PTCHD4: variants seen among roughly 807,000 people sequenced by gnomAD.
PTCHD4 encodes patched domain-containing protein 4.
PTCHD4 carries 33 observed loss-of-function variants against 58.1 expected under a neutral mutation model. The ratio of observed to expected loss-of-function variants is 0.57; its 90% CI spans 0.43 to 0.76. The LOEUF (loss-of-function observed/expected upper bound fraction) is 0.76. Among genes scored for constraint, PTCHD4 ranks in the 30% least tolerant of loss-of-function variants. The probability of loss-of-function intolerance (pLI) is 0.00; values close to 1 mark genes in which losing one functional copy is unlikely to be tolerated. For synonymous variants in PTCHD4, 478 were observed against 409.6 expected (o/e 1.17, Z -2.02); for missense variants, 1,058 against 1,027.1 (o/e 1.03, Z -0.41).
At chr6:48,061,229 G>A (rs1289910863) in intron 3 of PTCHD4, among the ~76,000 whole-genome samples, 1 of 152,094 alleles carries the variant, frequency 6.6e-6, no homozygotes, top group African/African-American at 2.4e-5. Flanking sequence ...TTAAAGAGAT[G>A]GTTGGATTTA....
chr6:47,980,987 T>C (rs2114009516), intron 4 of PTCHD4, among the ~76,000 whole-genome samples: 1 of 152,260 alleles, frequency 6.6e-6, no homozygotes, highest in Non-Finnish European at 1.5e-5. Context: ...ATTCTTCTTT[T>C]TATGACTGCA....
chr6:48,007,936 G>GCGCGCGCA (rs935818683), intron 4 of PTCHD4, among the ~76,000 whole-genome samples: 9 of 150,244 alleles, frequency 6.0e-5, no homozygotes, highest in African/African-American at 2.2e-4. Context: ...GTGCGCGCGC[G>GCGCGCGCA]CACACACACA....
rs964173815 is a variant in PTCHD4 at position 47,945,989 on chromosome 6, T to G, written c.898+62645A>C. Among the ~76,000 whole-genome samples, 10 of 151,914 alleles carry G rather than the reference T, an allele frequency of 6.6e-5. No individual in the cohort carries two copies. In the East Asian group the frequency reaches 1.5e-3, roughly 23 times the overall value. On this transcript the variant is annotated intron_variant, in intron 4 of 4. Transcript: ENST00000339488. ...TTATAAATTTTTCTTTAACCCACAA[T>G]TATTTAGAAGTATACTTTTAATTAC...
intron 3 of PTCHD4, among the ~76,000 whole-genome samples, chr6:48,032,169 T>TG (rs929584267): frequency 1.3e-5 from 2 of 151,276 alleles, no homozygotes; most frequent in Non-Finnish European, 2.9e-5. Flanking sequence ...AAAGTGTGTA[T>TG]GAAAAAAAAA....
chr6:48,062,511 A>G (rs1395958433), intron 3 of PTCHD4, among the ~76,000 whole-genome samples: 1 of 152,146 alleles, frequency 6.6e-6, no homozygotes, highest in African/African-American at 2.4e-5. Flanking sequence ...AAATAAAAGG[A>G]AGCTTAAAAA....
At chr6:48,018,574 T>C (rs1005005398) in intron 3 of PTCHD4, among the ~76,000 whole-genome samples, 17 of 152,214 alleles carry the variant, frequency 1.1e-4, no homozygotes, top group African/African-American at 4.1e-4. Context: ...ATAAGGAATT[T>C]GCCCTAATTT....
intron 4 of PTCHD4, among the ~76,000 whole-genome samples, chr6:47,926,061 A>G (rs543996714): frequency 6.6e-6 from 1 of 152,294 alleles, no homozygotes; most frequent in South Asian, 2.1e-4. Flanking sequence ...AAGGTGTTGT[A>G]GCTCAACTTA....
intron 3 of PTCHD4, among the ~76,000 whole-genome samples, chr6:48,030,269 AG>A (rs909787504): frequency 6.6e-6 from 1 of 152,124 alleles, no homozygotes; most frequent in Non-Finnish European, 1.5e-5. Flanking sequence ...GATAGAAACA[AG>A]GGTGACTGTA....
Position 48,009,051 on chromosome 6 carries a change from C to G in PTCHD4, c.481G>C (p.Asp161His), listed in dbSNP as rs765986115. ...GCTCTGGCTGACTTGACCCGCTGAT[C>G]TTTGCTGTTTGGCACTTCCACTACC... The part of the protein sequence containing the change: ...GGVVEVPNSK[D>H]QRVKSARAIQ... The change falls in exon 4 of 5, where the codon GAT becomes CAT. Residue 161 changes from aspartate (D) to histidine (H), a missense_variant. Coordinates refer to ENST00000339488, the MANE Select transcript of PTCHD4 (RefSeq NM_001384253.1). 17 of 1,613,768 alleles carry G rather than the reference C, an allele frequency of 1.1e-5. No individual in the cohort carries two copies. In the African/African-American group the frequency reaches 2.1e-4, roughly 20 times the overall value.
At chr6:48,038,546 A>G (rs930807604) in intron 3 of PTCHD4, among the ~76,000 whole-genome samples, 7 of 152,034 alleles carry the variant, frequency 4.6e-5, no homozygotes, top group African/African-American at 1.7e-4. Flanking sequence ...AGGCTGAGGC[A>G]TAAGAATCGC....
chr6:47,979,778 G>T (rs1767813253), intron 4 of PTCHD4, among the ~76,000 whole-genome samples: 1 of 151,996 alleles, frequency 6.6e-6, no homozygotes, highest in Non-Finnish European at 1.5e-5. Context: ...TTGGAGAGGA[G>T]AATACTATCC....
At chr6:48,051,408 T>C (rs1764229971) in intron 3 of PTCHD4, among the ~76,000 whole-genome samples, 2 of 151,980 alleles carry the variant, frequency 1.3e-5, no homozygotes, top group Admixed American at 1.3e-4. Flanking sequence ...AAAGAAGTCA[T>C]ATATACTCTT....
chr6:47,878,146 C>A lies in PTCHD4; in HGVS notation c.*157G>T, dbSNP rs1320643380. ...CTCTTTTTTTATTCCCTCTTCCCCC[C>A]AAGAAGCAGGCACCTTGAAGTGTCA... On this transcript the variant is annotated 3_prime_UTR_variant, in exon 5 of 5. Transcript: ENST00000339488. 10 of 579,930 alleles carry A rather than the reference C, an allele frequency of 1.7e-5. No homozygotes were observed. Among genetic ancestry groups the A allele is most frequent in the East Asian group, 8.5e-5 (3 of 35,338 alleles). The allele number at this position is 579,930 out of a possible 1,614,324, so 35.9% of individuals were successfully genotyped here.
chr6:48,105,645 A>T (rs1765702196), intron 1 of PTCHD4, among the ~76,000 whole-genome samples: 1 of 152,208 alleles, frequency 6.6e-6, no homozygotes, highest in Non-Finnish European at 1.5e-5. Flanking sequence ...CCTTCAAAAA[A>T]TCAATGAATC....
chr6:48,077,552 A>G (rs1458210996), intron 1 of PTCHD4, among the ~76,000 whole-genome samples: 2 of 152,190 alleles, frequency 1.3e-5, no homozygotes, highest in Non-Finnish European at 2.9e-5. Flanking sequence ...TTTTTATCTG[A>G]AGCATCTTTA....
At position 47,865,589 on chromosome 6, in the gene PTCHD4, T is replaced by G. The variant is rs1184281418; in HGVS notation, c.*12714A>C. ...AAAGTTCTTGGGTGTTCAGGCCATC[T>G]TACAGATATAAGTTTTGTGAATTGT... On this transcript the variant is annotated 3_prime_UTR_variant, in exon 5 of 5. Coordinates refer to ENST00000339488, the MANE Select transcript of PTCHD4 (RefSeq NM_001384253.1). 6.6e-6 allele frequency among the ~76,000 whole-genome samples: 1 copy of G among 151,906 alleles called. No individual in the cohort carries two copies.
intron 4 of PTCHD4, among the ~76,000 whole-genome samples, chr6:47,906,570 C>T (rs1764894478): frequency 6.6e-6 from 1 of 152,160 alleles, no homozygotes; most frequent in African/African-American, 2.4e-5. Context: ...TCTCTTTTTG[C>T]ACCTCCATTT....
At chr6:47,979,060 A>T (rs569395165) in intron 4 of PTCHD4, among the ~76,000 whole-genome samples, 1 of 152,276 alleles carries the variant, frequency 6.6e-6, no homozygotes, top group South Asian at 2.1e-4. Flanking sequence ...ACCTGGTGAA[A>T]GAAGCCTTCT....
intron 3 of PTCHD4, among the ~76,000 whole-genome samples, chr6:48,057,197 T>TG (rs1211603825): frequency 1.3e-5 from 2 of 151,792 alleles, no homozygotes. Context: ...TTTGTTTTTT[T>TG]TGTTTTTTTT....
Sources: allele counts gnomAD v4.1 joint callset (sites outside exome capture counted in the v4.1 genomes callset), GRCh38; gene constraint gnomAD v4.1.1; transcripts MANE v1.5; gene names NCBI Gene and HGNC (gene_info 2026-07-23, HGNC 2026-07-21).